Variants in TIMM23 observed in about 807,000 individuals in gnomAD.
The protein encoded by TIMM23 is translocase of inner mitochondrial membrane 23, also known as mitochondrial import inner membrane translocase subunit Tim23.
TIMM23 carries 19 observed loss-of-function variants against 30.7 expected under a neutral mutation model. The observed-to-expected ratio is 0.62, with a 90% CI of 0.43 to 0.91. The LOEUF (loss-of-function observed/expected upper bound fraction) is 0.91. TIMM23 is among the 40% of genes least tolerant of loss of function. The probability of loss-of-function intolerance (pLI) is 0.00; values close to 1 mark genes in which losing one functional copy is unlikely to be tolerated. For missense variants in TIMM23, 202 were observed against 269.2 expected, an observed-to-expected ratio of 0.75 and a Z score of 1.75; for synonymous variants, 78 against 98.5, an observed-to-expected ratio of 0.79 and a Z score of 1.23.
rs1400075986 is a variant in TIMM23, at chr10:46,003,607, AC to A, written c.*290del. On this transcript the variant is annotated 3_prime_UTR_variant, in exon 7 of 7. Coordinates refer to ENST00000580018, the MANE Select transcript of TIMM23 (RefSeq NM_006327.4). ...TCCCCCATGAACTAGAAAACCACTT[AC>A]TCCCAGAATTCAGGTCGTGCTTGTT... 1 of 263,700 alleles carries A rather than the reference AC, an allele frequency of 3.8e-6. No individual in the cohort carries two copies. The highest frequency in any genetic ancestry group is 7.4e-6 in the Non-Finnish European group (1 of 135,890). 16.3% of individuals were successfully genotyped at this position (263,700 alleles called of 1,614,324 possible).
At chr10:45,987,734 T>G (rs1242535661) in intron 5 of TIMM23, among the ~76,000 whole-genome samples, 1 of 150,448 alleles carries the variant, frequency 6.6e-6, no homozygotes, top group Admixed American at 6.7e-5. Flanking sequence ...CACCTCAGCC[T>G]TTCAAGGAGC....
At position 45,979,606 on chromosome 10, in the gene TIMM23, CTTTT is replaced by C. The variant is rs1171770886; in HGVS notation, c.166-2893_166-2890del. Among the ~76,000 whole-genome samples, 365 of 54,392 alleles carry C rather than the reference CTTTT, an allele frequency of 6.7e-3. 1 individual carries two copies. The highest frequency in any genetic ancestry group is 0.034 in the East Asian group (45 of 1,320). The allele number at this position is 54,392 out of a possible 152,430, so 35.7% of individuals were successfully genotyped here. ...ACAGGCATGAGCCACCATGCCTGGC[CTTTT>C]TTTTTTTTTTTTTTTTTTTTTTTAA... On this transcript the variant is annotated intron_variant, in intron 2 of 6. Coordinates refer to ENST00000580018, the MANE Select transcript of TIMM23 (RefSeq NM_006327.4).
chr10:45,975,192 A>T (rs1182049813), intron 1 of TIMM23, among the ~76,000 whole-genome samples: 1 of 152,240 alleles, frequency 6.6e-6, no homozygotes, highest in Admixed American at 6.5e-5. Context: ...CTGTAAGTTC[A>T]AAAATCAGAT....
At chr10:45,987,357 G>C (rs1479225771) in intron 5 of TIMM23, among the ~76,000 whole-genome samples, 1 of 152,156 alleles carries the variant, frequency 6.6e-6, no homozygotes, top group Non-Finnish European at 1.5e-5. Context: ...GTGGACACCA[G>C]TTGGGTGTCC....
At chr10:45,992,981 G>A (rs1201416568) in intron 6 of TIMM23, among the ~76,000 whole-genome samples, 19 of 152,132 alleles carry the variant, frequency 1.2e-4, no homozygotes, top group Non-Finnish European at 2.1e-4. Context: ...TGTTCTTGCC[G>A]TTACCATTTC....
chr10:45,990,503 C>T lies in TIMM23; in HGVS notation c.514+1656C>T, dbSNP rs868907925. On this transcript the variant is annotated intron_variant, in intron 6 of 6. Coordinates refer to ENST00000580018, the MANE Select transcript of TIMM23 (RefSeq NM_006327.4). ...GTGGCACAATCAAGGCTCACTGTAGCCTTGACCTCCTGGGCTCAGGTGATC... is the reference window on the plus strand; with the variant it reads ...GTGGCACAATCAAGGCTCACTGTAGTCTTGACCTCCTGGGCTCAGGTGATC... Among the ~76,000 whole-genome samples, 913 of 151,652 alleles carry T rather than the reference C, an allele frequency of 6.0e-3. 5 individuals are homozygous for T. Among genetic ancestry groups the T allele is most frequent in the Middle Eastern group, 0.031 (9 of 292 alleles).
rs964063897 is a variant in TIMM23 at position 46,003,653 on chromosome 10, C to T, written c.*335C>T. ...CTTGTTAGTACTATATCACCAAGTC[C>T]ATTCATTTAATGATCCAAAACTGTA... On this transcript the variant is annotated 3_prime_UTR_variant, in exon 7 of 7. Transcript: ENST00000580018. 1 of 188,260 alleles carries T rather than the reference C, an allele frequency of 5.3e-6. No individual in the cohort carries two copies. Among genetic ancestry groups the T allele is most frequent in the African/African-American group, 2.4e-5 (1 of 42,498 alleles). 11.7% of individuals were successfully genotyped at this position (188,260 alleles called of 1,614,324 possible).
chr10:46,003,421 A>G lies in TIMM23; in HGVS notation c.*103A>G. The G allele has an allele frequency of 1.2e-6, 1 of 837,146 alleles. No homozygotes were observed. Among genetic ancestry groups the G allele is most frequent in the Non-Finnish European group, 1.9e-6 (1 of 530,904 alleles). 51.9% of individuals were successfully genotyped at this position (837,146 alleles called of 1,614,324 possible). On this transcript the variant is annotated 3_prime_UTR_variant, in exon 7 of 7. Coordinates refer to ENST00000580018, the MANE Select transcript of TIMM23 (RefSeq NM_006327.4). The stretch of plus-strand genomic sequence containing the variant: ...CTCTCTTCTACCTACAATTAGTTTG[A>G]AAAATTGGAGATTTTGATTTGCTGT...
intron 6 of TIMM23, among the ~76,000 whole-genome samples, chr10:46,001,712 T>C (rs1399156530): frequency 1.3e-5 from 2 of 152,188 alleles, no homozygotes; most frequent in African/African-American, 4.8e-5. Context: ...CAAAGATGGC[T>C]ACCTGAAGTT....
chr10:45,997,615 CA>C (rs1838385632), intron 6 of TIMM23, among the ~76,000 whole-genome samples: 1 of 152,066 alleles, frequency 6.6e-6, no homozygotes, highest in Non-Finnish European at 1.5e-5. Flanking sequence ...AGTTCAAGAC[CA>C]CTCTAGGTAA....
intron 6 of TIMM23, chr10:45,998,412 G>A (rs996579813): frequency 9.1e-6 from 9 of 984,684 alleles, no homozygotes; most frequent in African/African-American, 3.5e-5. Flanking sequence ...TGAAACACAA[G>A]TCATATTTGC....
Position 45,972,636 on chromosome 10 carries a change from C to T in TIMM23, c.12C>T (p.Gly4=), listed in dbSNP as rs1370708929. Residue 4 remains glycine (G), a synonymous_variant, in exon 1 of 7, where the codon GGC becomes GGT. Transcript: ENST00000580018. ...TTTGCTGCGATACCATGGAAGGAGG[C>T]GGGGGAAGCGGCAACAAAACCACAG... The part of the protein sequence containing the change: MEG[G]GGSGNKTTGG... 1.9e-6 allele frequency: 3 copies of T among 1,613,682 alleles called. No homozygotes were observed. Among genetic ancestry groups the T allele is most frequent in the Admixed American group, 1.7e-5 (1 of 59,986 alleles).
At chr10:46,000,025 T>A (rs1838478285) in intron 6 of TIMM23, among the ~76,000 whole-genome samples, 1 of 152,214 alleles carries the variant, frequency 6.6e-6, no homozygotes, top group Admixed American at 6.5e-5. Context: ...TCTCTCTTAT[T>A]CCCTGAACAT....
At chr10:45,986,566 A>G (rs1837995779) in intron 5 of TIMM23, among the ~76,000 whole-genome samples, 1 of 152,156 alleles carries the variant, frequency 6.6e-6, no homozygotes, top group Admixed American at 6.6e-5. Flanking sequence ...AGAAGTATAA[A>G]AATACTGCAG....
In TIMM23 at chr10:45,988,864, G is replaced by A; in HGVS notation, c.514+17G>A. On this transcript the variant is annotated intron_variant, in intron 6 of 6. Transcript: ENST00000580018. ...AATGTACAGGTGAGTACTGTTGAAT[G>A]GGGAGCCATCTCTTAATACACTTGA... 1 of 1,608,272 alleles carries A rather than the reference G, an allele frequency of 6.2e-7. No individual in the cohort carries two copies. Among genetic ancestry groups the A allele is most frequent in the South Asian group, 1.1e-5 (1 of 90,908 alleles).
chr10:45,999,139 A>T (rs1191850280), intron 6 of TIMM23, among the ~76,000 whole-genome samples: 3 of 151,744 alleles, frequency 2.0e-5, no homozygotes, highest in South Asian at 2.1e-4. Flanking sequence ...AGGCCTTTTT[A>T]AAATTTTTTT....
intron 4 of TIMM23, among the ~76,000 whole-genome samples, chr10:45,983,855 C>T (rs1430515366): frequency 1.3e-5 from 2 of 152,142 alleles, no homozygotes; most frequent in African/African-American, 4.8e-5. Context: ...GTGATCCTCC[C>T]ACCTCAGCCT....
intron 3 of TIMM23, 40 bp downstream of exon 3, chr10:45,982,656 A>C: frequency 3.1e-6 from 5 of 1,612,366 alleles, no homozygotes; most frequent in Non-Finnish European, 4.2e-6. Flanking sequence ...TGCTCAGTTC[A>C]AGTAGTTGAG....
intron 5 of TIMM23, 35 bp downstream of exon 5, chr10:45,985,476 A>C: frequency 1.2e-6 from 2 of 1,610,100 alleles, no homozygotes; most frequent in Non-Finnish European, 8.5e-7. Flanking sequence ...TAAATTGTTA[A>C]AGAAAGAATG....
Sources: allele counts gnomAD v4.1 joint callset (sites outside exome capture counted in the v4.1 genomes callset), GRCh38; gene constraint gnomAD v4.1.1; transcripts MANE v1.5; gene names NCBI Gene and HGNC (gene_info 2026-07-23, HGNC 2026-07-21).